CYYR1: variants seen among roughly 807,000 people sequenced by gnomAD.
CYYR1 encodes the protein cysteine and tyrosine-rich protein 1.
A neutral mutation model predicts 15.2 loss-of-function variants in CYYR1; 14 were observed. That is an observed-to-expected ratio of 0.92 (90% CI 0.61 to 1.44). The LOEUF (loss-of-function observed/expected upper bound fraction) is 1.44, where lower values mean the gene tolerates loss of function less well. Ranked by LOEUF, CYYR1 falls within the 40% of genes most tolerant of loss-of-function variation. The pLI is 0.00. For synonymous variants in CYYR1, 80 were observed against 77.4 expected, an observed-to-expected ratio of 1.03 and a Z score of -0.18; for missense variants, 228 against 209.5, an observed-to-expected ratio of 1.09 and a Z score of -0.54.
intron 2 of CYYR1, among the ~76,000 whole-genome samples, chr21:26,520,151 G>T (rs1275698693): frequency 1.7e-5 from 2 of 118,078 alleles, no homozygotes; most frequent in East Asian, 2.3e-4. Flanking sequence ...TGCAGAAAGT[G>T]CAGGTTTATT....
intron 2 of CYYR1, among the ~76,000 whole-genome samples, chr21:26,483,777 T>G (rs2065215304): frequency 6.6e-6 from 1 of 152,132 alleles, no homozygotes; most frequent in Non-Finnish European, 1.5e-5. Context: ...AAGCATGATC[T>G]CTGAAGGCAG....
Position 26,468,563 on chromosome 21 carries a change from T to G in CYYR1, c.406A>C (p.Thr136Pro). ...GAACGCTGTGCTGGACCCTGTGGGGTGGGGGAGTATGGAGGAGGCAAGTCT... is the reference window on the plus strand; with the variant it reads ...GAACGCTGTGCTGGACCCTGTGGGGGGGGGGAGTATGGAGGAGGCAAGTCT... ...CADLPPPYSP[T>P]PQGPAQRSPP... Residue 136 changes from threonine (T) to proline (P), a missense_variant, in exon 4 of 4, where the codon ACC becomes CCC. Physicochemically the swap from Thr to Pro is conservative, Grantham distance 38. Transcript: ENST00000652641. 1 of 1,612,540 alleles carries G rather than the reference T, an allele frequency of 6.2e-7. No homozygotes were observed. The highest frequency in any genetic ancestry group is 8.5e-7 in the Non-Finnish European group (1 of 1,179,444).
chr21:26,516,594 T>C (rs1385391480), intron 2 of CYYR1, among the ~76,000 whole-genome samples: 3 of 152,202 alleles, frequency 2.0e-5, no homozygotes, highest in Admixed American at 1.3e-4. Flanking sequence ...CAATTTTTAA[T>C]TGTCTGTTTA....
chr21:26,536,559 A>T (rs1319966238), intron 2 of CYYR1, among the ~76,000 whole-genome samples: 1 of 152,228 alleles, frequency 6.6e-6, no homozygotes, highest in Non-Finnish European at 1.5e-5. Context: ...GTTTCAGGAA[A>T]GCATAACAAG....
intron 2 of CYYR1, among the ~76,000 whole-genome samples, chr21:26,524,841 A>T (rs1007325059): frequency 6.6e-6 from 1 of 152,194 alleles, no homozygotes; most frequent in African/African-American, 2.4e-5. Context: ...TGTTTGTAAT[A>T]TTCCCCTCTA....
chr21:26,504,135 C>T (rs2065520991), intron 2 of CYYR1, among the ~76,000 whole-genome samples: 1 of 152,034 alleles, frequency 6.6e-6, no homozygotes, highest in South Asian at 2.1e-4. Flanking sequence ...TTAACAGTGT[C>T]CAAGTATCTC....
chr21:26,564,700 C>T, intron 2 of CYYR1: 1 of 1,163,788 alleles, frequency 8.6e-7, no homozygotes, highest in South Asian at 1.9e-5. Flanking sequence ...GGGCACACAG[C>T]ACACTCCATG....
chr21:26,530,636 C>T (rs148480683), intron 2 of CYYR1, among the ~76,000 whole-genome samples: 8 of 152,050 alleles, frequency 5.3e-5, no homozygotes, highest in East Asian at 1.9e-4. Flanking sequence ...CGACAGGCCC[C>T]GGTGTGTGAT....
At position 26,467,042 on chromosome 21, in the gene CYYR1, C is replaced by T. The variant is rs2064976992; in HGVS notation, c.*1459G>A. The T allele has an allele frequency of 6.6e-6, 1 of 152,124 alleles. No homozygotes were observed. Among genetic ancestry groups the T allele is most frequent in the Non-Finnish European group, 1.5e-5 (1 of 68,008 alleles). 9.4% of individuals were successfully genotyped at this position (152,124 alleles called of 1,614,324 possible). The stretch of plus-strand genomic sequence containing the variant: ...CTGCAAGTACAGGTACTATAACTTA[C>T]ACCTTAAAATGCTTTGTTTGATTGT... On this transcript the variant is annotated 3_prime_UTR_variant, in exon 4 of 4. Coordinates refer to ENST00000652641, the MANE Select transcript of CYYR1 (RefSeq NM_001320768.2).
At chr21:26,499,092 C>A (rs564688991) in intron 2 of CYYR1, among the ~76,000 whole-genome samples, 1 of 152,232 alleles carries the variant, frequency 6.6e-6, no homozygotes, top group Non-Finnish European at 1.5e-5. Flanking sequence ...TGGGAGGCTG[C>A]TATGGTAACT....
At chr21:26,472,836 A>G (rs1223835022) in intron 3 of CYYR1, among the ~76,000 whole-genome samples, 3 of 152,124 alleles carry the variant, frequency 2.0e-5, no homozygotes, top group Non-Finnish European at 4.4e-5. Context: ...AAGTTTAAAA[A>G]TTAGTCTTCT....
At chr21:26,560,022 G>T (rs1569177726) in intron 2 of CYYR1, among the ~76,000 whole-genome samples, 1 of 152,074 alleles carries the variant, frequency 6.6e-6, no homozygotes, top group African/African-American at 2.4e-5. Context: ...TGTACAGATA[G>T]TTCAGGAAGA....
intron 2 of CYYR1, among the ~76,000 whole-genome samples, chr21:26,525,936 A>G (rs759098521): frequency 1.4e-4 from 21 of 152,316 alleles, no homozygotes; most frequent in Admixed American, 4.6e-4. Context: ...CAAATACCGC[A>G]TGTTCTCAGT....
In CYYR1 at chr21:26,559,477, G is replaced by A. The variant is rs191226876; in HGVS notation, c.176+6789C>T. Among the ~76,000 whole-genome samples, 139 of 151,858 alleles carry A rather than the reference G, an allele frequency of 9.2e-4. 4 individuals carry two copies. The highest frequency in any genetic ancestry group is 7.7e-3 in the Admixed American group (117 of 15,242). On this transcript the variant is annotated intron_variant, in intron 2 of 3. Coordinates refer to ENST00000652641, the MANE Select transcript of CYYR1 (RefSeq NM_001320768.2). ...CTCACCATTTTAAAGTGTACAGTTC[G>A]GTGTTTTTTAGTAATCTTTTCTTTT...
At chr21:26,520,242 C>T (rs1039984327) in intron 2 of CYYR1, among the ~76,000 whole-genome samples, 1 of 151,374 alleles carries the variant, frequency 6.6e-6, no homozygotes. Flanking sequence ...CCCCTACCCC[C>T]CAACAGGCCC....
At chr21:26,478,590 G>A (rs528928710) in intron 3 of CYYR1, among the ~76,000 whole-genome samples, 5 of 152,240 alleles carry the variant, frequency 3.3e-5, no homozygotes, top group South Asian at 4.1e-4. Flanking sequence ...CCTCCTCTGC[G>A]GGAAATGGGG....
chr21:26,519,501 G>C (rs1392201184), intron 2 of CYYR1, among the ~76,000 whole-genome samples: 1 of 152,110 alleles, frequency 6.6e-6, no homozygotes, highest in Non-Finnish European at 1.5e-5. Flanking sequence ...GTGCATATGG[G>C]AAAAATGGCA....
intron 2 of CYYR1, among the ~76,000 whole-genome samples, chr21:26,539,837 C>T (rs1039939021): frequency 5.3e-5 from 8 of 152,184 alleles, no homozygotes; most frequent in African/African-American, 1.7e-4. Context: ...TACAGATAGA[C>T]ATTTGCATTC....
chr21:26,504,373 C>T (rs570858320), intron 2 of CYYR1, among the ~76,000 whole-genome samples: 2 of 152,048 alleles, frequency 1.3e-5, no homozygotes, highest in African/African-American at 2.4e-5. Context: ...CGGGTTCAAG[C>T]GATTCTCCTG....
Sources: allele counts gnomAD v4.1 joint callset (sites outside exome capture counted in the v4.1 genomes callset), GRCh38; gene constraint gnomAD v4.1.1; transcripts MANE v1.5; gene names NCBI Gene and HGNC (gene_info 2026-07-23, HGNC 2026-07-21).